SCN1A: variants seen among roughly 807,000 people sequenced by gnomAD.
SCN1A encodes sodium channel protein type 1 subunit alpha.
Under a neutral mutation model 193.7 loss-of-function variants are expected in SCN1A, and 13 were observed. The ratio of observed to expected loss-of-function variants is 0.07; its 90% CI spans 0.04 to 0.11. The LOEUF is 0.11. Ranked by LOEUF, SCN1A falls within the 10% of genes least tolerant of loss-of-function variation. The pLI, the probability that SCN1A is intolerant of heterozygous loss-of-function variation, is 1.00. For synonymous variants in SCN1A, 781 were observed against 843.6 expected (o/e 0.93, Z 1.29); for missense variants, 1,432 against 2,451.1 (o/e 0.58, Z 8.78).
intron 2 of SCN1A, among the ~76,000 whole-genome samples, chr2:166,089,363 A>T (rs1294877595): frequency 6.6e-6 from 1 of 152,170 alleles, no homozygotes; most frequent in Non-Finnish European, 1.5e-5. Flanking sequence ...TGCTAAAAAA[A>T]TTATTTTCCT....
rs1327613227 is a variant in SCN1A at position 165,990,916 on chromosome 2, A to G, written c.*329T>C. 3.6e-6 allele frequency: 1 copy of G among 276,844 alleles called. No homozygotes were observed. Among genetic ancestry groups the G allele is most frequent in the African/African-American group, 2.2e-5 (1 of 45,518 alleles). 17.1% of individuals were successfully genotyped at this position (276,844 alleles called of 1,614,324 possible). ...ACAGTGGATACAATTACTACACTAA[A>G]GTGTTTCATGTTAAACAACCCCAAA... On this transcript the variant is annotated 3_prime_UTR_variant, in exon 29 of 29. Transcript: ENST00000674923.
At chr2:166,108,948 A>G (rs6731869) in intron 2 of SCN1A, among the ~76,000 whole-genome samples, 39,081 of 152,058 alleles carry the variant, frequency 0.26, 5,106 homozygotes, top group Non-Finnish European at 0.27. Flanking sequence ...TACAATGATA[A>G]TCATGTAAGC....
intron 4 of SCN1A, 69 bp from the exon 5 acceptor site, chr2:166,058,757 G>T: frequency 1.2e-6 from 1 of 865,036 alleles, no homozygotes; most frequent in Non-Finnish European, 2.0e-6. Context: ...TCTACTTTCT[G>T]TTACTTGTCA....
chr2:166,035,822 C>T (rs1696252839), intron 19 of SCN1A, among the ~76,000 whole-genome samples: 1 of 152,006 alleles, frequency 6.6e-6, no homozygotes, highest in Admixed American at 6.6e-5. Flanking sequence ...GCTGCCCCTG[C>T]CCAGCATGAG....
intron 24 of SCN1A, among the ~76,000 whole-genome samples, chr2:166,001,519 A>G (rs760789108): frequency 2.4e-4 from 36 of 151,808 alleles, no homozygotes; most frequent in Non-Finnish European, 4.9e-4. Context: ...TTGGTGAGCA[A>G]AAATTGATTT....
At chr2:166,125,783 G>A (rs1437792522) in intron 2 of SCN1A, among the ~76,000 whole-genome samples, 3 of 152,006 alleles carry the variant, frequency 2.0e-5, no homozygotes, top group Non-Finnish European at 4.4e-5. Flanking sequence ...ATTGTGCCCC[G>A]CCTTGCCCCA....
intron 2 of SCN1A, among the ~76,000 whole-genome samples, chr2:166,113,726 T>C (rs975217185): frequency 5.3e-4 from 80 of 152,206 alleles, no homozygotes; most frequent in African/African-American, 1.9e-3. Flanking sequence ...GGAAGGGTAG[T>C]AGGTGCAAGG....
chr2:165,997,078 A>T (rs1690179635), intron 26 of SCN1A, among the ~76,000 whole-genome samples: 1 of 151,384 alleles, frequency 6.6e-6, no homozygotes, highest in Non-Finnish European at 1.5e-5. Flanking sequence ...TTGAGTAGTT[A>T]TATTACTCTA....
At chr2:166,084,148 C>A (rs1349831355) in intron 2 of SCN1A, among the ~76,000 whole-genome samples, 1 of 151,994 alleles carries the variant, frequency 6.6e-6, no homozygotes, top group African/African-American at 2.4e-5. Flanking sequence ...AGCCTAATGG[C>A]CAGTCTATTC....
At chr2:166,091,312 G>T (rs73026898) in intron 2 of SCN1A, among the ~76,000 whole-genome samples, 2,893 of 152,264 alleles carry the variant, frequency 0.019, 98 homozygotes, top group African/African-American at 0.066. Flanking sequence ...TGGATACACG[G>T]AAAGGTGTTT....
At chr2:166,078,075 C>T (rs2020035) in intron 2 of SCN1A, among the ~76,000 whole-genome samples, 27,151 of 151,708 alleles carry the variant, frequency 0.18, 2,703 homozygotes, top group East Asian at 0.35. Flanking sequence ...TTGCATGACA[C>T]TGTAATAGTG....
At chr2:166,147,822 A>G (rs376358692) in intron 1 of SCN1A, among the ~76,000 whole-genome samples, 6 of 152,344 alleles carry the variant, frequency 3.9e-5, no homozygotes, top group African/African-American at 1.4e-4. Flanking sequence ...TGCTGTTAAT[A>G]TGGTTAATAG....
intron 19 of SCN1A, among the ~76,000 whole-genome samples, chr2:166,026,443 A>G (rs1299734132): frequency 1.3e-5 from 2 of 152,100 alleles, no homozygotes; most frequent in East Asian, 1.9e-4. Context: ...GTCCACCTCT[A>G]TGTTAGCACA....
upstream of SCN1A, among the ~76,000 whole-genome samples, chr2:166,132,668 C>T (rs1691706256): frequency 6.6e-6 from 1 of 152,086 alleles, no homozygotes; most frequent in Admixed American, 6.6e-5. Flanking sequence ...TTTAAAGTTA[C>T]AATTTTTTGA....
chr2:166,042,428 TA>T lies in SCN1A; in HGVS notation c.2044-5del, dbSNP rs549232924. The stretch of plus-strand genomic sequence containing the variant: ...TTTCAGTTTCAGTGGTTGTTCCCTG[TA>T]AAAAAAAATGCTAATGCATTAAACA... On this transcript the variant is annotated splice_polypyrimidine_tract_variant and splice_region_variant and intron_variant, in intron 14 of 28. Coordinates refer to ENST00000674923, the MANE Select transcript of SCN1A (RefSeq NM_001165963.4). 1.5e-4 allele frequency: 230 copies of T among 1,577,096 alleles called. No homozygotes were observed. The highest frequency in any genetic ancestry group is 3.4e-4 in the Middle Eastern group (2 of 5,922).
chr2:166,077,600 T>C (rs1408766373), intron 3 of SCN1A, 110 bp downstream of exon 3: 1 of 151,968 alleles, frequency 6.6e-6, no homozygotes, highest in Non-Finnish European at 1.5e-5. Context: ...CAATAGAAGC[T>C]CACATTCATT....
At position 166,042,343 on chromosome 2, in the gene SCN1A, G is replaced by C. The variant is rs370037455; in HGVS notation, c.2125C>G (p.Gln709Glu). 9.9e-6 allele frequency: 16 copies of C among 1,613,704 alleles called. No homozygotes were observed. In the African/African-American group the frequency reaches 2.1e-4, roughly 22 times the overall value. Residue 709 changes from glutamine (Q) to glutamate (E), a missense_variant, in exon 15 of 29, where the codon CAA becomes GAA. This residue lies in a region of SCN1A where 316 missense variants were observed against 362.1 expected (regional missense o/e 0.87). Coordinates refer to ENST00000674923, the MANE Select transcript of SCN1A (RefSeq NM_001165963.4). ...VSMDFLEDPS[Q>E]RQRAMSIASI... ...GCTATACTCATTGCTCGTTGCCTTT[G>C]GGAAGGATCTTCTAGAAAGTCCATG...
Position 166,097,594 on chromosome 2 carries a change from T to TA in SCN1A, c.-141-19794dup, listed in dbSNP as rs199718347. Among the ~76,000 whole-genome samples the TA allele has an allele frequency of 2.8e-4, 43 of 151,138 alleles. No individual in the cohort carries two copies. In the Middle Eastern group the frequency reaches 0.017, roughly 61 times the overall value. ...ATGTTCAAAGGTACTTGTATTCAATTAAAAAAAAATAGGGTCTTGCCCTGT... is the reference window on the plus strand; with the variant it reads ...ATGTTCAAAGGTACTTGTATTCAATTAAAAAAAAAATAGGGTCTTGCCCTGT... On this transcript the variant is annotated intron_variant, in intron 2 of 28. Coordinates refer to ENST00000674923, the MANE Select transcript of SCN1A (RefSeq NM_001165963.4).
intron 2 of SCN1A, among the ~76,000 whole-genome samples, chr2:166,087,127 G>A (rs893468764): frequency 1.3e-5 from 2 of 150,888 alleles, no homozygotes; most frequent in East Asian, 2.0e-4. Context: ...ACTGTAACGA[G>A]TGAGTCCTTG....
Sources: gnomAD v4.1 joint callset for allele counts (sites outside exome capture counted in the v4.1 genomes callset) on GRCh38, gnomAD v4.1.1 for gene constraint, gnomAD v4.1.1 regional missense constraint, MANE v1.5 for transcripts, NCBI Gene and HGNC (gene_info 2026-07-23, HGNC 2026-07-21) for gene names.